The following LSAMP variants were observed in gnomAD, a reference collection of about 807,000 sequenced individuals.
LSAMP encodes limbic system associated membrane protein.
Under a neutral mutation model 38.6 loss-of-function variants are expected in LSAMP, and 7 were observed. The observed-to-expected ratio is 0.18, with a 90% CI of 0.10 to 0.34. The LOEUF (loss-of-function observed/expected upper bound fraction) is 0.34, where lower values mean the gene tolerates loss of function less well. Among genes scored for constraint, LSAMP ranks in the 10% least tolerant of loss-of-function variants. The probability of loss-of-function intolerance (pLI) is 1.00; values close to 1 mark genes in which losing one functional copy is unlikely to be tolerated. For missense variants in LSAMP, 313 were observed against 420.0 expected (o/e 0.75, Z 2.23); for synonymous variants, 154 against 166.8 (o/e 0.92, Z 0.59).
Position 115,971,673 on chromosome 3 carries a change from C to T in LSAMP, c.514+47842G>A, listed in dbSNP as rs988638793. On this transcript the variant is annotated intron_variant, in intron 3 of 6. Transcript: ENST00000490035. ...ATTTGGTGACTCCATACTTAAATAACTTAGCCATTAACTATTGATAAGGTG... is the reference window on the plus strand; with the variant it reads ...ATTTGGTGACTCCATACTTAAATAATTTAGCCATTAACTATTGATAAGGTG... Among the ~76,000 whole-genome samples, 9 of 152,238 alleles carry T rather than the reference C, an allele frequency of 5.9e-5. No individual in the cohort carries two copies. The South Asian group carries it at 6.2e-4, about 11-fold the overall frequency.
intron 1 of LSAMP, among the ~76,000 whole-genome samples, chr3:116,200,219 C>T (rs2045970935): frequency 6.6e-6 from 1 of 152,022 alleles, no homozygotes; most frequent in Admixed American, 6.5e-5. Context: ...GAAGAGAGGG[C>T]ACCATTTTCT....
chr3:116,231,386 C>T (rs2046401142), intron 1 of LSAMP, among the ~76,000 whole-genome samples: 2 of 152,214 alleles, frequency 1.3e-5, no homozygotes, highest in South Asian at 2.1e-4. Context: ...CTGATTTTTC[C>T]GAATTTTGCT....
chr3:116,181,603 T>C (rs142126606), intron 1 of LSAMP, among the ~76,000 whole-genome samples: 16 of 152,180 alleles, frequency 1.1e-4, no homozygotes, highest in Non-Finnish European at 2.2e-4. Context: ...ATATAACTTA[T>C]GCAAAGTAAA....
At chr3:116,346,101 T>C (rs2048059677) in intron 1 of LSAMP, among the ~76,000 whole-genome samples, 1 of 152,156 alleles carries the variant, frequency 6.6e-6, no homozygotes, top group Non-Finnish European at 1.5e-5. Flanking sequence ...CTATATATCC[T>C]AAAAGGATTA....
chr3:116,280,551 G>T (rs937512939), intron 1 of LSAMP, among the ~76,000 whole-genome samples: 1 of 152,234 alleles, frequency 6.6e-6, no homozygotes, highest in Non-Finnish European at 1.5e-5. Context: ...TTTCTATGGT[G>T]CTGGCCAGGG....
At chr3:115,890,066 T>C (rs1936557439) in intron 3 of LSAMP, among the ~76,000 whole-genome samples, 1 of 151,970 alleles carries the variant, frequency 6.6e-6, no homozygotes, top group African/African-American at 2.4e-5. Flanking sequence ...CCCTTCATTC[T>C]CTATAGCAGT....
At chr3:116,419,434 G>A (rs1165830229) in intron 1 of LSAMP, among the ~76,000 whole-genome samples, 2 of 152,082 alleles carry the variant, frequency 1.3e-5, no homozygotes, top group Non-Finnish European at 2.9e-5. Context: ...ATAGGTAATT[G>A]AGATTTTAAA....
chr3:116,370,612 G>A (rs2048417869), intron 1 of LSAMP, among the ~76,000 whole-genome samples: 1 of 152,078 alleles, frequency 6.6e-6, no homozygotes, highest in Non-Finnish European at 1.5e-5. Flanking sequence ...TTGAGGGGAG[G>A]GTAAAAATGA....
chr3:115,964,877 A>C (rs2107600666), intron 3 of LSAMP, among the ~76,000 whole-genome samples: 1 of 152,274 alleles, frequency 6.6e-6, no homozygotes, highest in East Asian at 1.9e-4. Context: ...CATTATTGAA[A>C]GCCATTAAAG....
At chr3:115,902,749 C>T (rs182932902) in intron 3 of LSAMP, among the ~76,000 whole-genome samples, 1 of 152,218 alleles carries the variant, frequency 6.6e-6, no homozygotes, top group East Asian at 1.9e-4. Flanking sequence ...AGGAGCTCAA[C>T]ATCATTGGTC....
intron 2 of LSAMP, among the ~76,000 whole-genome samples, chr3:116,020,218 G>C (rs78217919): frequency 6.6e-6 from 1 of 152,162 alleles, no homozygotes; most frequent in South Asian, 2.1e-4. Context: ...AAGTATCTTA[G>C]AACTTAAAAC....
At chr3:116,286,447 C>A (rs570339094) in intron 1 of LSAMP, among the ~76,000 whole-genome samples, 1 of 152,268 alleles carries the variant, frequency 6.6e-6, no homozygotes, top group South Asian at 2.1e-4. Context: ...TCTTTAATAA[C>A]ATTCCATTAA....
At chr3:116,112,292 G>C (rs2107472470) in intron 1 of LSAMP, among the ~76,000 whole-genome samples, 1 of 152,230 alleles carries the variant, frequency 6.6e-6, no homozygotes, top group Middle Eastern at 3.4e-3. Context: ...GAGTATGATT[G>C]TGTGCACCTC....
At chr3:115,860,743 A>G (rs1423167046) in intron 3 of LSAMP, among the ~76,000 whole-genome samples, 1 of 152,250 alleles carries the variant, frequency 6.6e-6, no homozygotes, top group Non-Finnish European at 1.5e-5. Flanking sequence ...GAGACAGTGT[A>G]GAGTAGACTT....
chr3:116,320,195 A>G (rs576966229), intron 1 of LSAMP, among the ~76,000 whole-genome samples: 8 of 152,112 alleles, frequency 5.3e-5, no homozygotes, highest in Non-Finnish European at 1.0e-4. Flanking sequence ...CGGGTGGATC[A>G]CGAGGTCAGG....
intron 3 of LSAMP, among the ~76,000 whole-genome samples, chr3:115,873,919 G>T (rs16824208): frequency 0.19 from 29,315 of 151,974 alleles, 3,690 homozygotes; most frequent in African/African-American, 0.34. Context: ...GACCTTCCAC[G>T]TAGGAATCAG....
intron 1 of LSAMP, among the ~76,000 whole-genome samples, chr3:116,225,460 G>T (rs1353933461): frequency 6.6e-6 from 1 of 152,104 alleles, no homozygotes; most frequent in Non-Finnish European, 1.5e-5. Flanking sequence ...CCAAACTATT[G>T]TTTTAAACCA....
intron 1 of LSAMP, among the ~76,000 whole-genome samples, chr3:116,235,964 A>G (rs1157650357): frequency 6.6e-6 from 1 of 152,168 alleles, no homozygotes; most frequent in Non-Finnish European, 1.5e-5. Context: ...ATGTGAAAAT[A>G]CCAGCAGGGA....
At chr3:116,104,396 G>C (rs559733761) in intron 1 of LSAMP, among the ~76,000 whole-genome samples, 1 of 142,122 alleles carries the variant, frequency 7.0e-6, no homozygotes, top group East Asian at 2.0e-4. Context: ...CCAAGGCAAT[G>C]TTAAAAAAAA....
Sources: gnomAD v4.1 joint callset for allele counts (sites outside exome capture counted in the v4.1 genomes callset) on GRCh38, gnomAD v4.1.1 for gene constraint, MANE v1.5 for transcripts, NCBI Gene and HGNC (gene_info 2026-07-23, HGNC 2026-07-21) for gene names.